PML: variants seen among roughly 807,000 people sequenced by gnomAD.
PML encodes PML nuclear body scaffold, also known as protein PML.
Under a neutral mutation model 65.2 loss-of-function variants are expected in PML, and 28 were observed. The ratio of observed to expected loss-of-function variants is 0.43; its 90% CI spans 0.32 to 0.59. The LOEUF is 0.59. PML is among the 20% of genes least tolerant of loss of function. PML has a pLI of 0.08. For synonymous variants in PML, 500 were observed against 508.8 expected, an observed-to-expected ratio of 0.98 and a Z score of 0.23; for missense variants, 1,021 against 1,203.4, an observed-to-expected ratio of 0.85 and a Z score of 2.24.
chr15:73,998,517 C>T (rs1466791517), intron 2 of PML, 41 bp downstream of exon 2: 1 of 1,538,800 alleles, frequency 6.5e-7, no homozygotes, highest in South Asian at 1.1e-5. Context: ...CATCCAAGTA[C>T]CAGGTAGAGG....
intron 2 of PML, among the ~76,000 whole-genome samples, chr15:74,002,252 C>A (rs1205951620): frequency 6.6e-6 from 1 of 151,590 alleles, no homozygotes; most frequent in East Asian, 1.9e-4. Context: ...ATATTCCTAG[C>A]AATAATCCTT....
rs975005851 is a variant in PML at position 74,042,397 on chromosome 15, G to A, written c.1711-592G>A. Reference sequence around the variant, plus strand: ...GGACACTGGCACCTCGGCTGACTTCGGGGACAAGAAAAGGCAGGCTCCCGA... The same window carrying A: ...GGACACTGGCACCTCGGCTGACTTCAGGGACAAGAAAAGGCAGGCTCCCGA... On this transcript the variant is annotated intron_variant, in intron 7 of 8. Coordinates refer to ENST00000268058, the MANE Select transcript of PML (RefSeq NM_033238.3). The surrounding 1 kb of genome is among the most constrained non-coding windows in gnomAD (Gnocchi z 5.3). 1.6e-5 allele frequency: 16 copies of A among 985,284 alleles called. No individual in the cohort carries two copies. The highest frequency in any genetic ancestry group is 1.8e-5 in the Non-Finnish European group (15 of 829,920). The allele number at this position is 985,284 out of a possible 1,614,324, so 61.0% of individuals were successfully genotyped here. A position where few individuals can be genotyped will look rare whatever the true frequency, so the allele number is the denominator to read the frequency against.
chr15:74,033,031 T>C (rs935409085), intron 5 of PML, 125 bp from the exon 6 acceptor site: 1 of 1,007,582 alleles, frequency 9.9e-7, no homozygotes, highest in East Asian at 2.5e-5. Context: ...ATCTGCGTGG[T>C]TGAGAGCAGA....
rs753687495 is a variant in PML, at chr15:74,033,389, C to T, written c.1632C>T (p.His544=). 21 of 1,612,662 alleles carry T rather than the reference C, an allele frequency of 1.3e-5. No homozygotes were observed. The highest frequency in any genetic ancestry group is 6.7e-5 in the East Asian group (3 of 44,834). Residue 544 remains histidine, a synonymous_variant, in exon 6 of 9, where the codon CAC becomes CAT. Coordinates refer to ENST00000268058, the MANE Select transcript of PML (RefSeq NM_033238.3). Reference sequence around the variant, plus strand: ...AGGTCTTCCTGCCCAACAGCAACCACGTGGCCAGTGGCGCCGGGGAGGCAG... The same window carrying T: ...AGGTCTTCCTGCCCAACAGCAACCATGTGGCCAGTGGCGCCGGGGAGGCAG... ...GSEVFLPNSN[H]VASGAGEAEE...
At chr15:74,040,934 G>T (rs1595921909) in intron 7 of PML, among the ~76,000 whole-genome samples, 1 of 152,170 alleles carries the variant, frequency 6.6e-6, no homozygotes, top group African/African-American at 2.4e-5. Context: ...GGTTCTAGTG[G>T]CTGCCATAAA....
chr15:74,046,194 A>G lies in PML; in HGVS notation c.*1186A>G, dbSNP rs549836014. 1.5e-4 allele frequency: 34 copies of G among 233,200 alleles called. No individual in the cohort carries two copies. The South Asian group carries it at 5.6e-3, about 38-fold the overall frequency. 14.4% of individuals were successfully genotyped at this position (233,200 alleles called of 1,614,324 possible). On this transcript the variant is annotated 3_prime_UTR_variant, in exon 9 of 9. Coordinates refer to ENST00000268058, the MANE Select transcript of PML (RefSeq NM_033238.3). ...AAAGCAGGCCTCTGAGGCAGTGGAC[A>G]GGAAGACTTCTCATCCTTGAATTCT...
At chr15:74,003,335 G>A (rs924923599) in intron 2 of PML, among the ~76,000 whole-genome samples, 3 of 151,858 alleles carry the variant, frequency 2.0e-5, no homozygotes, top group African/African-American at 7.3e-5. Context: ...GGGAGGCTGA[G>A]GTAGGAGAAT....
Position 74,044,454 on chromosome 15 carries a change from G to T in PML, c.2095G>T (p.Glu699Ter). ...RALEDINRLW[E>*]FQEAISGFLA... Reference sequence around the variant, plus strand: ...CCTGGAGGACATTAACAGGCTGTGGGAATTCCAGGAGGCCATCTCGGGCTT... The same window carrying T: ...CCTGGAGGACATTAACAGGCTGTGGTAATTCCAGGAGGCCATCTCGGGCTT... The change falls in exon 9 of 9, where the codon GAA (glutamate) becomes TAA (stop). Residue 699 changes from glutamate (E) to a stop codon, truncating the protein, a stop_gained. Transcript: ENST00000268058. LOFTEE classifies it low-confidence loss of function (END_TRUNC). 6.2e-7 allele frequency: 1 copy of T among 1,614,156 alleles called. No individual in the cohort carries two copies. Among genetic ancestry groups the T allele is most frequent in the Non-Finnish European group, 8.5e-7 (1 of 1,180,010 alleles).
chr15:73,994,725 G>T lies in PML; in HGVS notation c.-88G>T, dbSNP rs1048030531. The T allele has an allele frequency of 9.2e-6, 13 of 1,416,136 alleles. No individual in the cohort carries two copies. The highest frequency in any genetic ancestry group is 7.9e-5 in the Admixed American group (4 of 50,770). 87.7% of individuals were successfully genotyped at this position (1,416,136 alleles called of 1,614,324 possible). On this transcript the variant is annotated 5_prime_UTR_variant, in exon 1 of 9. Coordinates refer to ENST00000268058, the MANE Select transcript of PML (RefSeq NM_033238.3). ...ACCTCCCCTTTCGGACAGCTCAAGG[G>T]ACTCAGCCAACTGGCTCACGCCTCC...
intron 7 of PML, among the ~76,000 whole-genome samples, chr15:74,036,724 G>C (rs2141885618): frequency 6.6e-6 from 1 of 152,150 alleles, no homozygotes; most frequent in Middle Eastern, 3.4e-3. Flanking sequence ...TCTTCTCCCT[G>C]CTCAGGTCCT....
rs142052749 is a variant in PML at position 74,016,349 on chromosome 15, C to T, written c.603-6479C>T. On this transcript the variant is annotated intron_variant, in intron 2 of 8. Coordinates refer to ENST00000268058, the MANE Select transcript of PML (RefSeq NM_033238.3). ...TCAGGAGGCTGAGGTGAGAAGATCA[C>T]ATGAGCCCAAGAATTCAAGTCCAGC... 3.8e-3 allele frequency among the ~76,000 whole-genome samples: 583 copies of T among 152,086 alleles called. 4 individuals carry two copies. The highest frequency in any genetic ancestry group is 0.013 in the African/African-American group (555 of 41,504).
intron 2 of PML, 39 bp from the exon 3 acceptor site, chr15:74,022,789 A>G (rs2070897882): frequency 6.5e-7 from 1 of 1,533,962 alleles, no homozygotes; most frequent in African/African-American, 1.4e-5. Flanking sequence ...GGAAAAAGTC[A>G]GGAGAGTCCT....
Position 74,033,029 on chromosome 15 carries a change from G to A in PML, c.1399-127G>A. The A allele has an allele frequency of 5.1e-6, 5 of 971,824 alleles. No individual in the cohort carries two copies. The South Asian group carries it at 5.4e-5, about 10-fold the overall frequency. 60.2% of individuals were successfully genotyped at this position (971,824 alleles called of 1,614,324 possible). ...GTCTGAAGAGAGACGTAATCTGCGT[G>A]GTTGAGAGCAGAGGAGAGGGGACAG... On this transcript the variant is annotated intron_variant, in intron 5 of 8. Coordinates refer to ENST00000268058, the MANE Select transcript of PML (RefSeq NM_033238.3).
rs1473024247 is a variant in PML, at chr15:74,044,856, A to G, written c.2497A>G (p.Thr833Ala). 1.2e-6 allele frequency: 2 copies of G among 1,613,390 alleles called. No homozygotes were observed. Among genetic ancestry groups the G allele is most frequent in the East Asian group, 2.2e-5 (1 of 44,854 alleles). The change falls in exon 9 of 9, where the codon ACG (threonine) becomes GCG (alanine). Residue 833 changes from threonine to alanine, a missense_variant. By Grantham distance (58) the Thr-to-Ala change is moderately conservative. Coordinates refer to ENST00000268058, the MANE Select transcript of PML (RefSeq NM_033238.3). ...YSRYLSLQTT[T>A]LPPAQPAFNL... is the part of the protein sequence containing the mutation. ...CCGCTATCTAAGCCTGCAGACCACCACGTTGCCCCCTGCCCAGCCTGCTTT... is the reference window on the plus strand; with the variant it reads ...CCGCTATCTAAGCCTGCAGACCACCGCGTTGCCCCCTGCCCAGCCTGCTTT...
chr15:74,024,291 G>A (rs993211347), intron 3 of PML, among the ~76,000 whole-genome samples: 3 of 152,108 alleles, frequency 2.0e-5, no homozygotes, highest in Admixed American at 6.6e-5. Flanking sequence ...AGCTGGACAT[G>A]GGTCATGAAG....
rs1284351126 is a variant in PML, at chr15:73,998,357, C to T, written c.483C>T (p.His161=). 5 of 1,614,188 alleles carry T rather than the reference C, an allele frequency of 3.1e-6. No homozygotes were observed. Among genetic ancestry groups the T allele is most frequent in the South Asian group, 1.1e-5 (1 of 91,086 alleles). Residue 161 remains histidine, a synonymous_variant, in exon 2 of 9, where the codon CAC becomes CAT. Coordinates refer to ENST00000268058, the MANE Select transcript of PML (RefSeq NM_033238.3). ...CFEAHQWFLK[H]EARPLAELRN... ...AGGCACACCAGTGGTTCCTCAAGCA[C>T]GAGGCCCGGCCCCTAGCAGAGCTGC... is the stretch of plus-strand genomic sequence containing the variant.
intron 4 of PML, 51 bp from the exon 5 acceptor site, chr15:74,032,521 C>G (rs770823603): frequency 1.9e-6 from 3 of 1,609,636 alleles, no homozygotes; most frequent in Non-Finnish European, 2.6e-6. Context: ...GGGTACCTGG[C>G]CCTGGGGCTG....
intron 2 of PML, among the ~76,000 whole-genome samples, chr15:74,014,298 T>C (rs2070462253): frequency 6.6e-6 from 1 of 152,116 alleles, no homozygotes; most frequent in Non-Finnish European, 1.5e-5. Context: ...TTTACACCCT[T>C]GCCGCATGCC....
chr15:74,034,896 G>T, intron 7 of PML: 1 of 1,439,356 alleles, frequency 6.9e-7, no homozygotes, highest in South Asian at 1.5e-5. Context: ...ATTACAGCCA[G>T]TGGGGGCCAG....
Sources: allele counts gnomAD v4.1 joint callset (sites outside exome capture counted in the v4.1 genomes callset), GRCh38; gene constraint gnomAD v4.1.1; non-coding constraint Gnocchi (gnomAD v3.1); transcripts MANE v1.5; gene names NCBI Gene and HGNC (gene_info 2026-07-23, HGNC 2026-07-21).